The following PRR5 variants were observed in gnomAD, a reference collection of about 807,000 sequenced individuals.
PRR5 encodes the protein proline-rich protein 5.
A neutral mutation model predicts 30.6 loss-of-function variants in PRR5; 25 were observed. The observed-to-expected ratio is 0.82, with a 90% CI of 0.60 to 1.14. The LOEUF is 1.14. Among genes scored for constraint, PRR5 ranks in the 50% most tolerant of loss-of-function variants. The pLI is 0.00. For synonymous variants in PRR5, 286 were observed against 247.1 expected (o/e 1.16, Z -1.48); for missense variants, 600 against 547.1 (o/e 1.10, Z -0.96).
chr22:44,695,508 A>G (rs903265706), intron 1 of PRR5, among the ~76,000 whole-genome samples: 20 of 152,152 alleles, frequency 1.3e-4, no homozygotes, highest in African/African-American at 3.4e-4. Flanking sequence ...TTTTGTGATC[A>G]TTCTTGTTAT....
intron 6 of PRR5, among the ~76,000 whole-genome samples, chr22:44,732,850 ACG>A (rs776317929): frequency 7.6e-5 from 9 of 117,722 alleles, no homozygotes; most frequent in Non-Finnish European, 1.6e-4. Context: ...ACGTGCACAC[ACG>A]TGCACACGCA....
intron 1 of PRR5, among the ~76,000 whole-genome samples, chr22:44,692,396 G>C (rs954604832): frequency 8.2e-6 from 1 of 121,902 alleles, no homozygotes; most frequent in Non-Finnish European, 1.7e-5. Context: ...CTCCACCTTA[G>C]CTCCTCCACC....
upstream of PRR5, among the ~76,000 whole-genome samples, chr22:44,701,023 C>T (rs571414510): frequency 1.3e-5 from 2 of 151,972 alleles, no homozygotes; most frequent in Admixed American, 6.6e-5. Context: ...GCTGGGATTA[C>T]GGGCATGCAC....
chr22:44,703,889 AAAG>A (rs1042749072), intron 1 of PRR5, among the ~76,000 whole-genome samples: 2 of 152,206 alleles, frequency 1.3e-5, no homozygotes, highest in African/African-American at 2.4e-5. Flanking sequence ...TCTCAAAAAA[AAAG>A]AAGAGCAGTG....
At chr22:44,707,174 C>G (rs1021827088) in intron 1 of PRR5, among the ~76,000 whole-genome samples, 2 of 152,252 alleles carry the variant, frequency 1.3e-5, no homozygotes, top group Non-Finnish European at 2.9e-5. Context: ...GTTCACTCCT[C>G]CCTGGGTCTG....
chr22:44,671,615 TGCCCTGA>T (rs1451924534), intron 1 of PRR5, among the ~76,000 whole-genome samples: 1 of 152,164 alleles, frequency 6.6e-6, no homozygotes, highest in African/African-American at 2.4e-5. Context: ...CAGGGCCACC[TGCCCTGA>T]CTAAAGCTGG....
intron 4 of PRR5, chr22:44,729,412 C>G (rs912316492): frequency 2.0e-6 from 2 of 985,174 alleles, no homozygotes; most frequent in Non-Finnish European, 2.4e-6. Flanking sequence ...AGCACGGAGC[C>G]AAGGCTACTG....
At chr22:44,673,708 G>A (rs189181016), upstream of PRR5, among the ~76,000 whole-genome samples, 79 of 152,294 alleles carry the variant, frequency 5.2e-4, no homozygotes, top group African/African-American at 1.8e-3. Flanking sequence ...GTAGGTGGCG[G>A]TGATGGTCCT....
chr22:44,725,127 G>T, intron 2 of PRR5, 117 bp from the exon 3 acceptor site: 3 of 1,469,398 alleles, frequency 2.0e-6, no homozygotes, highest in Non-Finnish European at 2.8e-6. Context: ...CCATGTTTTT[G>T]GGCTGGCTGA....
At chr22:44,705,225 A>C (rs921649782) in intron 1 of PRR5, among the ~76,000 whole-genome samples, 12 of 152,130 alleles carry the variant, frequency 7.9e-5, no homozygotes, top group Non-Finnish European at 1.5e-5. Context: ...AGCTTCTTGA[A>C]GCTTCTGGTG....
intron 2 of PRR5, 41 bp from the exon 3 acceptor site, chr22:44,725,203 T>G: frequency 6.2e-7 from 1 of 1,611,070 alleles, no homozygotes; most frequent in Non-Finnish European, 8.5e-7. Flanking sequence ...GCCAGTGCCG[T>G]GTGGTCTGGG....
upstream of PRR5, among the ~76,000 whole-genome samples, chr22:44,697,984 A>G (rs565054279): frequency 6.6e-6 from 1 of 152,274 alleles, no homozygotes; most frequent in East Asian, 1.9e-4. Flanking sequence ...AGAGATCATG[A>G]TGTCACTTGC....
intron 1 of PRR5, among the ~76,000 whole-genome samples, chr22:44,688,313 G>A (rs1474229575): frequency 6.6e-6 from 1 of 152,072 alleles, no homozygotes; most frequent in Non-Finnish European, 1.5e-5. Flanking sequence ...GAACCTGGGA[G>A]GCGGAGGTTG....
At chr22:44,713,842 C>G (rs935556952) in intron 1 of PRR5, among the ~76,000 whole-genome samples, 1 of 152,188 alleles carries the variant, frequency 6.6e-6, no homozygotes, top group African/African-American at 2.4e-5. Context: ...GTTGCTCTGT[C>G]GCCCAGGCTG....
intron 2 of PRR5, among the ~76,000 whole-genome samples, chr22:44,718,797 T>G (rs1316858122): frequency 6.6e-6 from 1 of 152,222 alleles, no homozygotes; most frequent in African/African-American, 2.4e-5. Flanking sequence ...GATATCTTCT[T>G]TGGAGAACTG....
intron 1 of PRR5, among the ~76,000 whole-genome samples, chr22:44,670,121 C>G (rs914052876): frequency 6.6e-6 from 1 of 152,168 alleles, no homozygotes; most frequent in African/African-American, 2.4e-5. Context: ...GTGTTAACAT[C>G]GGATGAGGGG....
At chr22:44,672,166 T>C (rs1040670916), upstream of PRR5, among the ~76,000 whole-genome samples, 2 of 152,228 alleles carry the variant, frequency 1.3e-5, 1 homozygote, top group Admixed American at 1.3e-4. Context: ...CCTCAACTGA[T>C]GCCTGTGCCC....
intron 4 of PRR5, chr22:44,729,929 TTGTG>T (rs1337234992): frequency 6.1e-6 from 6 of 985,330 alleles, no homozygotes; most frequent in Non-Finnish European, 6.0e-6. Context: ...TGAAGGGACT[TTGTG>T]TGTGGGCACA....
At chr22:44,682,255 A>G (rs138413543) in intron 1 of PRR5, among the ~76,000 whole-genome samples, 189 of 152,358 alleles carry the variant, frequency 1.2e-3, no homozygotes, top group African/African-American at 4.3e-3. Flanking sequence ...ATGGGAAGGC[A>G]GTGTCACGGT....
Sources: allele counts gnomAD v4.1 joint callset (sites outside exome capture counted in the v4.1 genomes callset), GRCh38; gene constraint gnomAD v4.1.1; transcripts MANE v1.5; gene names NCBI Gene and HGNC (gene_info 2026-07-23, HGNC 2026-07-21).